Variants in MYH8 observed in about 807,000 individuals in gnomAD.
MYH8 encodes the protein myosin heavy chain 8.
A neutral mutation model predicts 233.2 loss-of-function variants in MYH8; 168 were observed. The ratio of observed to expected loss-of-function variants is 0.72; its 90% CI spans 0.64 to 0.82. The LOEUF is 0.82. Among genes scored for constraint, MYH8 ranks in the 40% least tolerant of loss-of-function variants. The pLI is 0.00. For synonymous variants in MYH8, 785 were observed against 850.6 expected (o/e 0.92, Z 1.34); for missense variants, 1,995 against 2,327.8 (o/e 0.86, Z 2.94).
intron 18 of MYH8, 24 bp from the exon 19 acceptor site, chr17:10,406,831 T>C (rs1242719231): frequency 6.2e-7 from 1 of 1,613,342 alleles, no homozygotes; most frequent in South Asian, 1.1e-5. Context: ...ACAGTACTTA[T>C]TAGTGGGCAT....
chr17:10,415,045 G>T lies in MYH8; in HGVS notation c.805+71C>A. 7.0e-7 allele frequency: 1 copy of T among 1,422,772 alleles called. No individual in the cohort carries two copies. Among genetic ancestry groups the T allele is most frequent in the Non-Finnish European group, 9.9e-7 (1 of 1,006,340 alleles). The allele number at this position is 1,422,772 out of a possible 1,614,324, so 88.1% of individuals were successfully genotyped here. A position where few individuals can be genotyped will look rare whatever the true frequency, so the allele number is the denominator to read the frequency against. On this transcript the variant is annotated intron_variant, in intron 9 of 39. Transcript: ENST00000403437. The surrounding 1 kb of genome is among the most constrained non-coding windows in gnomAD (Gnocchi z 4.1). ...TTTAACAGGCTTCATGCACAGCAAGGGTGGCAAAATATCCCTGCAAATGAA... is the reference window on the plus strand; with the variant it reads ...TTTAACAGGCTTCATGCACAGCAAGTGTGGCAAAATATCCCTGCAAATGAA...
intron 15 of MYH8, 30 bp from the exon 16 acceptor site, chr17:10,409,618 A>G: frequency 1.2e-6 from 2 of 1,613,140 alleles, no homozygotes; most frequent in South Asian, 1.1e-5. Flanking sequence ...ATTGGTGTCA[A>G]CCTAACTTCT....
chr17:10,421,341 G>A (rs2072338125), intron 2 of MYH8, among the ~76,000 whole-genome samples: 2 of 152,026 alleles, frequency 1.3e-5, no homozygotes, highest in Admixed American at 6.6e-5. Context: ...AATGTCCTAA[G>A]TCCTCAATGC....
chr17:10,400,562 T>C lies in MYH8; in HGVS notation c.3563A>G (p.His1188Arg), dbSNP rs1006354139. The change falls in exon 27 of 40, where the codon CAT becomes CGT. Residue 1188 changes from histidine (H) to arginine (R), a missense_variant. Coordinates refer to ENST00000403437, the MANE Select transcript of MYH8 (RefSeq NM_002472.3). This position sits in a 1 kb window ranked among gnomAD's most constrained non-coding sequence, Gnocchi z 4.0. ...CCGAAGAGCAGCCACCATAGCTTCA[T>C]GCTGCAGGGTGGCCTCCTCCAGGTC... ...RRDLEEATLQ[H>R]EAMVAALRKK... is the part of the protein sequence containing the mutation. 6.2e-7 allele frequency: 1 copy of C among 1,614,218 alleles called. No individual in the cohort carries two copies. The highest frequency in any genetic ancestry group is 1.7e-5 in the Admixed American group (1 of 60,024).
Position 10,412,359 on chromosome 17 carries a change from A to C in MYH8, c.1416+11T>G, listed in dbSNP as rs186333848. On this transcript the variant is annotated intron_variant, in intron 14 of 39. Coordinates refer to ENST00000403437, the MANE Select transcript of MYH8 (RefSeq NM_002472.3). Reference sequence around the variant, plus strand: ...ATTGCCTCCTTCTTAATTCTTGTTAATATAACTCACATCAAAGATTTCAAA... The same window carrying C: ...ATTGCCTCCTTCTTAATTCTTGTTACTATAACTCACATCAAAGATTTCAAA... 1,050 of 1,614,126 alleles carry C rather than the reference A, an allele frequency of 6.5e-4. No homozygotes were observed. The highest frequency in any genetic ancestry group is 8.2e-4 in the Non-Finnish European group (962 of 1,179,966).
chr17:10,390,934 T>C (rs2072016054), intron 39 of MYH8, among the ~76,000 whole-genome samples: 1 of 152,224 alleles, frequency 6.6e-6, no homozygotes, highest in African/African-American at 2.4e-5. Context: ...GAAATACCAC[T>C]TAATATATAT....
rs770314844 is a variant in MYH8 at position 10,397,025 on chromosome 17, C to G, written c.4179-39G>C. 5.6e-6 allele frequency: 9 copies of G among 1,608,266 alleles called. No individual in the cohort carries two copies. The East Asian group carries it at 1.8e-4, about 32-fold the overall frequency. ...CAGGCAGTCAGGAGAATGGCCAAGACCAGAAGCAAAGTGATAACCTCCTTG... is the reference window on the plus strand; with the variant it reads ...CAGGCAGTCAGGAGAATGGCCAAGAGCAGAAGCAAAGTGATAACCTCCTTG... On this transcript the variant is annotated intron_variant, in intron 30 of 39. Coordinates refer to ENST00000403437, the MANE Select transcript of MYH8 (RefSeq NM_002472.3).
In MYH8 at chr17:10,392,957, G is replaced by A. The variant is rs529647820; in HGVS notation, c.5337C>T (p.Ser1779=). The A allele has an allele frequency of 1.1e-4, 184 of 1,614,210 alleles. 2 individuals carry two copies. Among genetic ancestry groups the A allele is most frequent in the South Asian group, 1.1e-3 (99 of 91,084 alleles). ...TCTTCTTCATCCGCTCCAGGTGGGC[G>A]CTGGTGTCCTGTTCCTTCTTCAGCT... The part of the protein sequence containing the change: ...AEELKKEQDT[S]AHLERMKKNL... Residue 1779 remains serine (S), a synonymous_variant, in exon 37 of 40, where the codon AGC becomes AGT. Coordinates refer to ENST00000403437, the MANE Select transcript of MYH8 (RefSeq NM_002472.3).
In MYH8 at chr17:10,420,104, C is replaced by T. The variant is rs1228968956; in HGVS notation, c.124G>A (p.Val42Met). The change falls in exon 3 of 40, where the codon GTG becomes ATG. Residue 42 changes from valine (V) to methionine (M), a missense_variant. By Grantham distance (21) the Val-to-Met change is conservative. Around this residue, in one of 3 missense-constraint regions of MYH8, gnomAD observed 479 missense variants for 600.9 expected, o/e 0.80. Transcript: ENST00000403437. The part of the protein sequence containing the change: ...KPFDAKTSVF[V>M]AEPKESYVKS... ...ACATAGGATTCCTTGGGCTCCGCCA[C>T]AAAGACAGATGTTTTAGCATCAAAC... 36 of 1,614,120 alleles carry T rather than the reference C, an allele frequency of 2.2e-5. No homozygotes were observed. Among genetic ancestry groups the T allele is most frequent in the Non-Finnish European group, 3.1e-5 (36 of 1,180,054 alleles).
chr17:10,415,521 G>T lies in MYH8; in HGVS notation c.599C>A (p.Thr200Lys), dbSNP rs902439183. The change falls in exon 7 of 40, where the codon ACA becomes AAA. Residue 200 changes from threonine (T) to lysine (K), a missense_variant. Coordinates refer to ENST00000403437, the MANE Select transcript of MYH8 (RefSeq NM_002472.3). This position sits in a 1 kb window ranked among gnomAD's most constrained non-coding sequence, Gnocchi z 4.1. ...CTTCTTCTCTCCAGTAACTGCAATTGTTGCAAAGTATTGGATGACACGCTT... is the reference window on the plus strand; with the variant it reads ...CTTCTTCTCTCCAGTAACTGCAATTTTTGCAAAGTATTGGATGACACGCTT... ...NTKRVIQYFA[T>K]IAVTGEKKKD... The T allele has an allele frequency of 3.1e-6, 5 of 1,614,074 alleles. No homozygotes were observed. The African/African-American group carries it at 5.3e-5, about 17-fold the overall frequency.
chr17:10,415,824 G>T lies in MYH8; in HGVS notation c.512-116C>A. 2 of 1,244,492 alleles carry T rather than the reference G, an allele frequency of 1.6e-6. No homozygotes were observed. Among genetic ancestry groups the T allele is most frequent in the Admixed American group, 2.0e-5 (1 of 49,554 alleles). 77.1% of individuals were successfully genotyped at this position (1,244,492 alleles called of 1,614,324 possible). A position where few individuals can be genotyped will look rare whatever the true frequency, so the allele number is the denominator to read the frequency against. The stretch of plus-strand genomic sequence containing the variant: ...TTAACTTTTTGAAGATGTCACCTTT[G>T]GTTTTGATTTTGTGTTTATCCTCCA... On this transcript the variant is annotated intron_variant, in intron 5 of 39. Coordinates refer to ENST00000403437, the MANE Select transcript of MYH8 (RefSeq NM_002472.3). The surrounding 1 kb of genome is among the most constrained non-coding windows in gnomAD (Gnocchi z 4.1).
At chr17:10,412,800 T>G in intron 12 of MYH8, 72 bp from the exon 13 acceptor site, 1 of 1,277,036 alleles carries the variant, frequency 7.8e-7, no homozygotes, top group Non-Finnish European at 1.1e-6. Flanking sequence ...TCCATTTTTC[T>G]CCAATTCAAT....
At position 10,401,459 on chromosome 17, in the gene MYH8, G is replaced by A. The variant is rs758208482; in HGVS notation, c.2932-8C>T. ...TTCTGTAAGATTTTTCACCTACAAA[G>A]GTTAAGAAAGAGATTATTTCTCCTA... On this transcript the variant is annotated splice_polypyrimidine_tract_variant and splice_region_variant and intron_variant, in intron 23 of 39. Coordinates refer to ENST00000403437, the MANE Select transcript of MYH8 (RefSeq NM_002472.3). 3 of 1,613,864 alleles carry A rather than the reference G, an allele frequency of 1.9e-6. No individual in the cohort carries two copies. Among genetic ancestry groups the A allele is most frequent in the East Asian group, 2.2e-5 (1 of 44,880 alleles).
At chr17:10,397,050 G>A in intron 30 of MYH8, 64 bp from the exon 31 acceptor site, 1 of 1,549,442 alleles carries the variant, frequency 6.5e-7, no homozygotes, top group Non-Finnish European at 8.9e-7. Context: ...TAACCTCCTT[G>A]GTCCCTTTTC....
chr17:10,408,249 A>AT (rs906510140), intron 17 of MYH8, among the ~76,000 whole-genome samples: 26 of 152,082 alleles, frequency 1.7e-4, no homozygotes, highest in African/African-American at 4.6e-4. Flanking sequence ...AAGAAGGCAG[A>AT]TTTTTTTTCC....
intron 34 of MYH8, 47 bp downstream of exon 34, chr17:10,395,086 A>G (rs971651034): frequency 1.9e-6 from 3 of 1,604,080 alleles, no homozygotes; most frequent in Non-Finnish European, 2.6e-6. Context: ...AATGGAAGAC[A>G]GGTACTTTCC....
At chr17:10,397,076 T>C (rs2072086531) in intron 30 of MYH8, 90 bp from the exon 31 acceptor site, 1 of 1,413,586 alleles carries the variant, frequency 7.1e-7, no homozygotes. Context: ...CCTATTTCTT[T>C]TCTTTTCTTT....
chr17:10,398,541 G>A lies in MYH8; in HGVS notation c.4081C>T (p.Gln1361Ter), dbSNP rs2072100802. ...CTGTTGGCCTTGGACAGCGCCCTCT[G>A]CAGCTCAGCTTTGCCTTCCTGCTCT... ...EEEQEGKAEL[Q>*]RALSKANSEV... The change falls in exon 30 of 40, where the codon CAG (glutamine) becomes TAG (stop). Residue 1361 changes from glutamine to a stop codon, truncating the protein, a stop_gained. Transcript: ENST00000403437. LOFTEE classifies it high-confidence loss of function. 2 of 1,614,154 alleles carry A rather than the reference G, an allele frequency of 1.2e-6. No homozygotes were observed. The highest frequency in any genetic ancestry group is 4.5e-5 in the East Asian group (2 of 44,876).
Position 10,396,915 on chromosome 17 carries a change from A to G in MYH8, c.4250T>C (p.Leu1417Pro), listed in dbSNP as rs2142171029. Residue 1417 changes from leucine to proline, a missense_variant, in exon 31 of 40, where the codon CTT becomes CCT. Physicochemically the swap from Leu to Pro is moderately conservative, Grantham distance 98. Transcript: ENST00000403437. The surrounding 1 kb of genome is among the most constrained non-coding windows in gnomAD (Gnocchi z 4.2). The stretch of plus-strand genomic sequence containing the variant: ...CTGGAGCCGCTGCTTCGTCTTCTCA[A>G]GGGAAGCACATTTGGCGTTCACAGC... Reference protein sequence around the residue: ...VEAVNAKCASLEKTKQRLQNE... With the variant: ...VEAVNAKCASPEKTKQRLQNE... 3 of 1,614,174 alleles carry G rather than the reference A, an allele frequency of 1.9e-6. No individual in the cohort carries two copies. In the East Asian group the frequency reaches 6.7e-5, roughly 36 times the overall value.
Sources: gnomAD v4.1 joint callset for allele counts (sites outside exome capture counted in the v4.1 genomes callset) on GRCh38, gnomAD v4.1.1 for gene constraint, gnomAD v4.1.1 regional missense constraint, Gnocchi (gnomAD v3.1) non-coding constraint, MANE v1.5 for transcripts, NCBI Gene and HGNC (gene_info 2026-07-23, HGNC 2026-07-21) for gene names.